BBOX1: variants seen among roughly 807,000 people sequenced by gnomAD.
The protein encoded by BBOX1 is gamma-butyrobetaine dioxygenase.
BBOX1 carries 35 observed loss-of-function variants against 41.6 expected under a neutral mutation model. The observed-to-expected ratio is 0.84, with a 90% CI of 0.64 to 1.11. BBOX1 has a LOEUF of 1.11. Ranked by LOEUF, BBOX1 falls within the 50% of genes most tolerant of loss-of-function variation. The probability of loss-of-function intolerance (pLI) is 0.00; values close to 1 mark genes in which losing one functional copy is unlikely to be tolerated. For missense variants in BBOX1, 458 were observed against 460.6 expected (o/e 0.99, Z 0.05); for synonymous variants, 163 against 154.7 (o/e 1.05, Z -0.40).
Position 27,041,473 on chromosome 11 carries a change from T to C in BBOX1, c.-44T>C, listed in dbSNP as rs1851346336. On this transcript the variant is annotated 5_prime_UTR_variant, in exon 2 of 9. Coordinates refer to ENST00000263182, the MANE Select transcript of BBOX1 (RefSeq NM_003986.3). ...TAAGGACCAAAGCTGACAGTTTCTT[T>C]ACTTGGTAAGTTTTGGGTGGTTTGC... The C allele has an allele frequency of 6.6e-6, 1 of 152,206 alleles. No individual in the cohort carries two copies. The highest frequency in any genetic ancestry group is 2.4e-5 in the African/African-American group (1 of 41,458). 9.4% of individuals were successfully genotyped at this position (152,206 alleles called of 1,614,324 possible). A position where few individuals can be genotyped will look rare whatever the true frequency, so the allele number is the denominator to read the frequency against.
intron 4 of BBOX1, among the ~76,000 whole-genome samples, chr11:27,085,711 C>G (rs1420896748): frequency 6.6e-6 from 1 of 151,984 alleles, no homozygotes; most frequent in African/African-American, 2.4e-5. Flanking sequence ...CACTTTAAAT[C>G]AAGAGCTAGA....
intron 5 of BBOX1, among the ~76,000 whole-genome samples, chr11:27,109,686 G>T (rs1167476141): frequency 6.6e-6 from 1 of 152,052 alleles, no homozygotes; most frequent in Non-Finnish European, 1.5e-5. Context: ...TTGAATTCTA[G>T]ATCAGCAGCG....
chr11:27,044,860 G>C (rs1851445291), intron 2 of BBOX1, among the ~76,000 whole-genome samples: 1 of 152,154 alleles, frequency 6.6e-6, no homozygotes, highest in Admixed American at 6.5e-5. Flanking sequence ...AAGTCAGGTA[G>C]CATGATGCCT....
At chr11:27,110,812 TTCAG>T (rs1859033554) in intron 5 of BBOX1, among the ~76,000 whole-genome samples, 1 of 151,956 alleles carries the variant, frequency 6.6e-6, no homozygotes, top group African/African-American at 2.4e-5. Flanking sequence ...GAAATAGGTG[TTCAG>T]TGTTTATTTA....
At chr11:27,045,631 T>C (rs142716162) in intron 2 of BBOX1, among the ~76,000 whole-genome samples, 179 of 152,310 alleles carry the variant, frequency 1.2e-3, no homozygotes, top group African/African-American at 4.1e-3. Context: ...TGAGAGTTTT[T>C]AGCATGAAGG....
At chr11:27,121,929 C>G (rs1859479938) in intron 7 of BBOX1, among the ~76,000 whole-genome samples, 1 of 152,088 alleles carries the variant, frequency 6.6e-6, no homozygotes, top group South Asian at 2.1e-4. Context: ...TTGATATTTT[C>G]TGTAGTAAAA....
At chr11:27,071,362 AC>A (rs966298721) in intron 4 of BBOX1, among the ~76,000 whole-genome samples, 12 of 151,678 alleles carry the variant, frequency 7.9e-5, no homozygotes, top group Non-Finnish European at 1.8e-4. Context: ...AGCCTGGGCA[AC>A]AGAGCAAGAC....
chr11:27,057,063 T>TAAAAAAAA lies in BBOX1; in HGVS notation c.220-138_220-137insAAAAAAAA, dbSNP rs1459422645. ...CCTGGCAACAGAGGAAGACTCCGAC[T>TAAAAAAAA]TAAAAAAAAAAAAAAAAAAAAATTA... On this transcript the variant is annotated intron_variant, in intron 3 of 8. Transcript: ENST00000263182. 4.1e-3 allele frequency: 617 copies of TAAAAAAAA among 149,676 alleles called. 131 individuals are homozygous for TAAAAAAAA. Among genetic ancestry groups the TAAAAAAAA allele is most frequent in the African/African-American group, 0.032 (512 of 15,764 alleles). The allele number at this position is 149,676 out of a possible 1,614,324, so 9.3% of individuals were successfully genotyped here.
chr11:27,081,183 T>C (rs551122491), intron 4 of BBOX1, among the ~76,000 whole-genome samples: 1 of 152,286 alleles, frequency 6.6e-6, no homozygotes, highest in East Asian at 1.9e-4. Context: ...TCTTTTTCAA[T>C]GAACTAGCTT....
At chr11:27,071,750 G>A (rs1397129591) in intron 4 of BBOX1, among the ~76,000 whole-genome samples, 3 of 152,200 alleles carry the variant, frequency 2.0e-5, no homozygotes, top group African/African-American at 7.2e-5. Context: ...TCCCTGGGAT[G>A]CAAGCCTGGT....
chr11:27,057,523 G>C, intron 4 of BBOX1: 1 of 484,742 alleles, frequency 2.1e-6, no homozygotes. Flanking sequence ...ATTCTACAGA[G>C]AAAGAAACAA....
chr11:27,053,700 T>C (rs2133956876), intron 2 of BBOX1, among the ~76,000 whole-genome samples: 1 of 152,306 alleles, frequency 6.6e-6, no homozygotes, highest in African/African-American at 2.4e-5. Context: ...GTCCTACCCA[T>C]TCCACAGAGA....
chr11:27,070,034 T>A (rs1857395575), intron 4 of BBOX1, among the ~76,000 whole-genome samples: 1 of 152,174 alleles, frequency 6.6e-6, no homozygotes, highest in South Asian at 2.1e-4. Context: ...CAAAATCATT[T>A]AAGAGAAGAT....
rs748481527 is a variant in BBOX1 at position 27,093,342 on chromosome 11, G to T, written c.509G>T (p.Gly170Val). ...GEVSKLGKRM[G>V]FLYLTFYGHT... ...GTTTCAAAACTTGGGAAAAGGATGG[G>T]TTTCCTCTATCTCACATTTTATGGG... The change falls in exon 5 of 9, where the codon GGT becomes GTT. Residue 170 changes from glycine (G) to valine (V), a missense_variant. By Grantham distance (109) the Gly-to-Val change is moderately radical (BLOSUM62 -3). Coordinates refer to ENST00000263182, the MANE Select transcript of BBOX1 (RefSeq NM_003986.3). 1 of 1,612,228 alleles carries T rather than the reference G, an allele frequency of 6.2e-7. No homozygotes were observed. Among genetic ancestry groups the T allele is most frequent in the Non-Finnish European group, 8.5e-7 (1 of 1,178,892 alleles).
chr11:27,046,603 A>C (rs1171948809), intron 2 of BBOX1, among the ~76,000 whole-genome samples: 1 of 152,188 alleles, frequency 6.6e-6, no homozygotes, highest in Non-Finnish European at 1.5e-5. Context: ...ACTAAATTAC[A>C]ATTGTAAGAA....
intron 5 of BBOX1, among the ~76,000 whole-genome samples, chr11:27,107,673 T>C (rs1026407657): frequency 1.3e-5 from 2 of 152,030 alleles, no homozygotes; most frequent in Non-Finnish European, 2.9e-5. Context: ...CACCAAGGCC[T>C]CACCACTAGG....
chr11:27,059,769 C>G (rs574922640), intron 4 of BBOX1, among the ~76,000 whole-genome samples: 10 of 152,174 alleles, frequency 6.6e-5, no homozygotes, highest in African/African-American at 1.2e-4. Context: ...TAGTGACTGC[C>G]CTGCTGGGTT....
chr11:27,043,418 C>CATGTGCAGAATGGGCAG (rs1482284669), intron 2 of BBOX1, among the ~76,000 whole-genome samples: 1 of 150,150 alleles, frequency 6.7e-6, no homozygotes, highest in Admixed American at 6.6e-5. Flanking sequence ...AGAATGTGCA[C>CATGTGCAGAATGGGCAG]GTTTGGGGTA....
At chr11:27,119,884 A>T in intron 7 of BBOX1, 39 bp downstream of exon 7, 1 of 1,216,124 alleles carries the variant, frequency 8.2e-7, no homozygotes, top group Non-Finnish European at 1.1e-6. Context: ...CAATAAAAGA[A>T]TTGACAACAA....
Sources: gnomAD v4.1 joint callset for allele counts (sites outside exome capture counted in the v4.1 genomes callset) on GRCh38, gnomAD v4.1.1 for gene constraint, MANE v1.5 for transcripts, NCBI Gene and HGNC (gene_info 2026-07-23, HGNC 2026-07-21) for gene names.